C1QTNF1: variants seen among roughly 807,000 people sequenced by gnomAD.
C1QTNF1 encodes the protein C1q and TNF related 1.
In C1QTNF1, 22 loss-of-function variants were observed where a neutral mutation model predicts 27.8. The observed-to-expected ratio is 0.79, with a 90% CI of 0.56 to 1.13. C1QTNF1 has a LOEUF of 1.13. Ranked by LOEUF, C1QTNF1 falls within the 50% of genes most tolerant of loss-of-function variation. C1QTNF1 has a pLI of 0.00. For synonymous variants in C1QTNF1, 166 were observed against 154.3 expected (o/e 1.08, Z -0.56); for missense variants, 373 against 380.2 (o/e 0.98, Z 0.16).
intron 1 of C1QTNF1, chr17:79,043,347 G>A (rs1327999921): frequency 2.2e-6 from 1 of 453,948 alleles, no homozygotes; most frequent in East Asian, 7.0e-5. Context: ...GTGAGCATGT[G>A]GATTGCATGT....
chr17:79,039,733 T>A (rs2072352281), intron 1 of C1QTNF1, among the ~76,000 whole-genome samples: 1 of 152,028 alleles, frequency 6.6e-6, no homozygotes, highest in African/African-American at 2.4e-5. Flanking sequence ...TAATCCAAGG[T>A]AGCTTTTTAA....
At position 79,048,160 on chromosome 17, in the gene C1QTNF1, G is replaced by A. The variant is rs564585465; in HGVS notation, c.*72G>A. 2.7e-5 allele frequency: 38 copies of A among 1,390,206 alleles called. No homozygotes were observed. The highest frequency in any genetic ancestry group is 8.5e-5 in the Admixed American group (3 of 35,146). The allele number at this position is 1,390,206 out of a possible 1,614,324, so 86.1% of individuals were successfully genotyped here. A position where few individuals can be genotyped will look rare whatever the true frequency, so the allele number is the denominator to read the frequency against. ...GTGCTGACCCCACCGCCTCTTCCCC[G>A]ATCCCTGGACTCCGACTCCCTGGCT... On this transcript the variant is annotated 3_prime_UTR_variant, in exon 4 of 4. Coordinates refer to ENST00000579760, the MANE Select transcript of C1QTNF1 (RefSeq NM_030968.5).
intron 1 of C1QTNF1, among the ~76,000 whole-genome samples, chr17:79,039,286 T>A (rs2072339418): frequency 6.6e-6 from 1 of 152,212 alleles, no homozygotes; most frequent in Non-Finnish European, 1.5e-5. Flanking sequence ...AGTCCAGGGT[T>A]ACTGCTAAGC....
chr17:79,038,280 G>A (rs555512625), intron 1 of C1QTNF1, among the ~76,000 whole-genome samples: 119 of 152,306 alleles, frequency 7.8e-4, no homozygotes, highest in African/African-American at 2.7e-3. Flanking sequence ...GTGAGCCACC[G>A]CGCCCGGCCG....
intron 1 of C1QTNF1, among the ~76,000 whole-genome samples, chr17:79,033,205 T>C (rs1255944718): frequency 1.3e-5 from 2 of 152,142 alleles, no homozygotes; most frequent in Non-Finnish European, 2.9e-5. Flanking sequence ...CTGTGCTGTC[T>C]AGTATGGCAG....
At chr17:79,035,588 A>G (rs2145904425) in intron 1 of C1QTNF1, among the ~76,000 whole-genome samples, 1 of 151,982 alleles carries the variant, frequency 6.6e-6, no homozygotes, top group African/African-American at 2.4e-5. Context: ...ACACCACTGC[A>G]CCCAGCTAAT....
intron 3 of C1QTNF1, among the ~76,000 whole-genome samples, 155 bp from the exon 4 acceptor site, chr17:79,047,383 C>T (rs1241513909): frequency 6.6e-6 from 1 of 152,056 alleles, no homozygotes; most frequent in African/African-American, 2.4e-5. Context: ...GGACGCCGCC[C>T]GTGGCAGGGG....
chr17:79,042,509 T>C (rs940476810), intron 1 of C1QTNF1, among the ~76,000 whole-genome samples: 1 of 152,222 alleles, frequency 6.6e-6, no homozygotes, highest in Non-Finnish European at 1.5e-5. Flanking sequence ...GGCACATCCC[T>C]AAAGTAGATG....
chr17:79,039,608 G>A (rs1160914574), intron 1 of C1QTNF1, among the ~76,000 whole-genome samples: 8 of 151,970 alleles, frequency 5.3e-5, no homozygotes, highest in Admixed American at 1.3e-4. Context: ...AGCCAAGATC[G>A]CGCCACTTCA....
At position 79,047,908 on chromosome 17, in the gene C1QTNF1, C is replaced by T. The variant is rs957903827; in HGVS notation, c.666C>T (p.Phe222=). The change falls in exon 4 of 4, where the codon TTC becomes TTT. Residue 222 remains phenylalanine (F), a synonymous_variant. Transcript: ENST00000579760. ...ACGAGGAGGAGGTGGTGATCTTGTT[C>T]GCGCAGGTGGGCGACCGCAGCATCA... The part of the protein sequence containing the change: ...MKNEEEVVIL[F]AQVGDRSIMQ... 7.4e-6 allele frequency: 12 copies of T among 1,613,972 alleles called. No individual in the cohort carries two copies. Among genetic ancestry groups the T allele is most frequent in the South Asian group, 2.2e-5 (2 of 91,068 alleles).
At position 79,049,269 on chromosome 17, in the gene C1QTNF1, C is replaced by T. The variant is rs2072690959; in HGVS notation, c.*1181C>T. ...AGAAAGCTCCCGCTTGTCTGTTTCTCAGGCTCCTGTGAGCCTCAGTCCTGA... is the reference window on the plus strand; with the variant it reads ...AGAAAGCTCCCGCTTGTCTGTTTCTTAGGCTCCTGTGAGCCTCAGTCCTGA... On this transcript the variant is annotated 3_prime_UTR_variant, in exon 4 of 4. Coordinates refer to ENST00000579760, the MANE Select transcript of C1QTNF1 (RefSeq NM_030968.5). This position sits in a 1 kb window ranked among gnomAD's most constrained non-coding sequence, Gnocchi z 4.4. 6.6e-6 allele frequency: 1 copy of T among 152,322 alleles called. No homozygotes were observed. The allele number at this position is 152,322 out of a possible 1,614,324, so 9.4% of individuals were successfully genotyped here.
chr17:79,025,942 G>A, intron 1 of C1QTNF1: 2 of 436,296 alleles, frequency 4.6e-6, no homozygotes, highest in South Asian at 3.3e-5. Flanking sequence ...ACAGGTTTGT[G>A]TGTCTGCTTC....
At chr17:79,026,927 C>A (rs996902511) in intron 1 of C1QTNF1, among the ~76,000 whole-genome samples, 7 of 152,222 alleles carry the variant, frequency 4.6e-5, no homozygotes, top group African/African-American at 1.7e-4. Flanking sequence ...TGGTGCCTCC[C>A]CCCAGCTGTA....
At chr17:79,028,010 C>T (rs371364804) in intron 1 of C1QTNF1, among the ~76,000 whole-genome samples, 19 of 152,320 alleles carry the variant, frequency 1.2e-4, no homozygotes, top group African/African-American at 2.6e-4. Flanking sequence ...GGCCCCTCCC[C>T]GGGCCCCCAT....
intron 1 of C1QTNF1, among the ~76,000 whole-genome samples, chr17:79,035,211 T>C (rs1262225169): frequency 6.6e-6 from 1 of 152,132 alleles, no homozygotes; most frequent in East Asian, 1.9e-4. Flanking sequence ...CCCCAGTACC[T>C]GAATCCTCTT....
chr17:79,030,471 CTTTCTTTCTTTCTT>C (rs1435810214), intron 1 of C1QTNF1, among the ~76,000 whole-genome samples: 2,950 of 109,832 alleles, frequency 0.027, 80 homozygotes, highest in African/African-American at 0.085. Flanking sequence ...TTCTTTCTTT[CTTTCTTTCTTTCTT>C]TTTCTTTCTT....
Position 79,046,413 on chromosome 17 carries a change from C to T in C1QTNF1, c.156-142C>T, listed in dbSNP as rs1310440492. The T allele has an allele frequency of 8.6e-7, 1 of 1,157,616 alleles. No individual in the cohort carries two copies. Among genetic ancestry groups the T allele is most frequent in the African/African-American group, 1.5e-5 (1 of 64,990 alleles). 71.7% of individuals were successfully genotyped at this position (1,157,616 alleles called of 1,614,324 possible). On this transcript the variant is annotated intron_variant, in intron 2 of 3. Coordinates refer to ENST00000579760, the MANE Select transcript of C1QTNF1 (RefSeq NM_030968.5). The surrounding 1 kb of genome is among the most constrained non-coding windows in gnomAD (Gnocchi z 4.8). ...ATCCCAGAGTGGGCCGTGAGCCCAC[C>T]AGCGTGAACACAGAGCCTTGTGGGT... is the stretch of plus-strand genomic sequence containing the variant.
intron 1 of C1QTNF1, among the ~76,000 whole-genome samples, chr17:79,037,737 T>C (rs1272446392): frequency 6.6e-6 from 1 of 152,174 alleles, no homozygotes; most frequent in Non-Finnish European, 1.5e-5. Context: ...GGTGCGATCA[T>C]GGCTTACTGC....
In C1QTNF1 at chr17:79,046,417, G is replaced by A. The variant is rs746856682; in HGVS notation, c.156-138G>A. 9 of 1,216,896 alleles carry A rather than the reference G, an allele frequency of 7.4e-6. No individual in the cohort carries two copies. The highest frequency in any genetic ancestry group is 4.5e-5 in the African/African-American group (3 of 66,292). 75.4% of individuals were successfully genotyped at this position (1,216,896 alleles called of 1,614,324 possible). A position where few individuals can be genotyped will look rare whatever the true frequency, so the allele number is the denominator to read the frequency against. On this transcript the variant is annotated intron_variant, in intron 2 of 3. Coordinates refer to ENST00000579760, the MANE Select transcript of C1QTNF1 (RefSeq NM_030968.5). This position sits in a 1 kb window ranked among gnomAD's most constrained non-coding sequence, Gnocchi z 4.8. ...CAGAGTGGGCCGTGAGCCCACCAGCGTGAACACAGAGCCTTGTGGGTCCAG... is the reference window on the plus strand; with the variant it reads ...CAGAGTGGGCCGTGAGCCCACCAGCATGAACACAGAGCCTTGTGGGTCCAG...
Sources: allele counts gnomAD v4.1 joint callset (sites outside exome capture counted in the v4.1 genomes callset), GRCh38; gene constraint gnomAD v4.1.1; non-coding constraint Gnocchi (gnomAD v3.1); transcripts MANE v1.5; gene names NCBI Gene and HGNC (gene_info 2026-07-23, HGNC 2026-07-21).